The following ST6GALNAC3 variants were observed in gnomAD, a reference collection of about 807,000 sequenced individuals.
ST6GALNAC3 encodes the protein alpha-N-acetylgalactosaminide alpha-2,6-sialyltransferase 3.
In ST6GALNAC3, 25 loss-of-function variants were observed where a neutral mutation model predicts 32.7. The observed-to-expected ratio is 0.76, with a 90% confidence interval of 0.56 to 1.07. The LOEUF is 1.07. Ranked by LOEUF, ST6GALNAC3 falls within the 50% of genes least tolerant of loss-of-function variation. The probability of loss-of-function intolerance (pLI) is 0.00; values close to 1 mark genes in which losing one functional copy is unlikely to be tolerated. For synonymous variants in ST6GALNAC3, 129 were observed against 133.1 expected (o/e 0.97, Z 0.21); for missense variants, 355 against 382.4 (o/e 0.93, Z 0.60).
chr1:76,624,846 C>A (rs1445243600), intron 3 of ST6GALNAC3, among the ~76,000 whole-genome samples: 1 of 151,894 alleles, frequency 6.6e-6, no homozygotes, highest in East Asian at 1.9e-4. Flanking sequence ...TTTATATATA[C>A]CCCATACATT....
Position 76,634,172 on chromosome 1 carries a change from A to C in ST6GALNAC3, c.*5366A>C, listed in dbSNP as rs1197045546. On this transcript the variant is annotated 3_prime_UTR_variant, in exon 5 of 5. Coordinates refer to ENST00000328299, the MANE Select transcript of ST6GALNAC3 (RefSeq NM_152996.4). The stretch of plus-strand genomic sequence containing the variant: ...CGCCTTGAAGACTTCAGAAAAATAG[A>C]AGCTCACTTCCTTCCATAAAGGTGA... The C allele has an allele frequency of 2.0e-6, 2 of 984,686 alleles. No homozygotes were observed. Among genetic ancestry groups the C allele is most frequent in the Non-Finnish European group, 2.4e-6 (2 of 829,382 alleles). The allele number at this position is 984,686 out of a possible 1,614,324, so 61.0% of individuals were successfully genotyped here. A position where few individuals can be genotyped will look rare whatever the true frequency, so the allele number is the denominator to read the frequency against.
At chr1:76,411,905 A>G (rs1414200649) in intron 2 of ST6GALNAC3, 103 bp from the exon 3 acceptor site, 3 of 1,272,076 alleles carry the variant, frequency 2.4e-6, no homozygotes, top group African/African-American at 3.0e-5. Flanking sequence ...AGATATTTCC[A>G]TATTTGGTAA....
chr1:76,136,904 C>T (rs915402), intron 1 of ST6GALNAC3, among the ~76,000 whole-genome samples: 28,811 of 152,098 alleles, frequency 0.19, 2,908 homozygotes, highest in African/African-American at 0.25. Context: ...ACGATGCTAA[C>T]ATCATTCATC....
rs146292418 is a variant in ST6GALNAC3 at position 76,297,614 on chromosome 1, C to A, written c.19-16191C>A. Among the ~76,000 whole-genome samples, 242 of 152,014 alleles carry A rather than the reference C, an allele frequency of 1.6e-3. 1 individual carries two copies. In the Middle Eastern group the frequency reaches 0.021, roughly 13 times the overall value. ...ACCAGTTACTAGCTGTTAATTTGAG[C>A]AAATCATTCATCTTTTTAATGAACA... On this transcript the variant is annotated intron_variant, in intron 1 of 4. Coordinates refer to ENST00000328299, the MANE Select transcript of ST6GALNAC3 (RefSeq NM_152996.4).
At chr1:76,525,898 A>T (rs1457704971) in intron 3 of ST6GALNAC3, among the ~76,000 whole-genome samples, 1 of 147,540 alleles carries the variant, frequency 6.8e-6, no homozygotes, top group Non-Finnish European at 1.5e-5. Context: ...TTATTACCAA[A>T]TGCTTCAGAT....
intron 1 of ST6GALNAC3, among the ~76,000 whole-genome samples, chr1:76,268,365 C>A (rs553934381): frequency 6.6e-6 from 1 of 152,146 alleles, no homozygotes; most frequent in Non-Finnish European, 1.5e-5. Flanking sequence ...ATGCTTGATG[C>A]AGATTTAAGA....
intron 1 of ST6GALNAC3, among the ~76,000 whole-genome samples, chr1:76,110,918 G>GA (rs1190404278): frequency 6.6e-6 from 1 of 152,166 alleles, no homozygotes; most frequent in Non-Finnish European, 1.5e-5. Flanking sequence ...TTGTACACAA[G>GA]AAAGTAAAAG....
At position 76,364,819 on chromosome 1, in the gene ST6GALNAC3, C is replaced by T. The variant is rs553143692; in HGVS notation, c.214-47189C>T. ...CCAGTCAGAATGACTGTTAAAAAGT[C>T]GGAAAATGACAAATGTTGGAAGATG... On this transcript the variant is annotated intron_variant, in intron 2 of 4. Coordinates refer to ENST00000328299, the MANE Select transcript of ST6GALNAC3 (RefSeq NM_152996.4). 4.6e-5 allele frequency among the ~76,000 whole-genome samples: 7 copies of T among 152,032 alleles called. No homozygotes were observed. In the South Asian group the frequency reaches 1.5e-3, roughly 32 times the overall value.
At chr1:76,323,027 C>A (rs924391290) in intron 2 of ST6GALNAC3, among the ~76,000 whole-genome samples, 1 of 151,996 alleles carries the variant, frequency 6.6e-6, no homozygotes, top group Non-Finnish European at 1.5e-5. Context: ...TGTAAAAATA[C>A]AAAAATTACC....
intron 1 of ST6GALNAC3, among the ~76,000 whole-genome samples, chr1:76,286,058 A>T (rs11801014): frequency 0.042 from 6,443 of 152,262 alleles, 448 homozygotes; most frequent in African/African-American, 0.15. Context: ...ATTCTACTGG[A>T]AGGAGGCAGC....
At chr1:76,439,934 C>A (rs1484256665) in intron 3 of ST6GALNAC3, among the ~76,000 whole-genome samples, 3 of 152,124 alleles carry the variant, frequency 2.0e-5, no homozygotes, top group African/African-American at 7.2e-5. Context: ...GATGATAATA[C>A]TACCTCATAG....
At chr1:76,383,155 A>G (rs1028227606) in intron 2 of ST6GALNAC3, among the ~76,000 whole-genome samples, 7 of 152,350 alleles carry the variant, frequency 4.6e-5, no homozygotes, top group African/African-American at 1.7e-4. Context: ...CACCAACTTA[A>G]TTCTATATCA....
intron 3 of ST6GALNAC3, among the ~76,000 whole-genome samples, chr1:76,541,616 G>A (rs1311162293): frequency 1.3e-5 from 2 of 152,168 alleles, no homozygotes; most frequent in East Asian, 3.9e-4. Context: ...CAAGGGCCTT[G>A]CCTTATTACT....
chr1:76,172,401 G>T (rs138156796), intron 1 of ST6GALNAC3, among the ~76,000 whole-genome samples: 3,008 of 152,226 alleles, frequency 0.02, 36 homozygotes, highest in Non-Finnish European at 0.031. Flanking sequence ...GGCAAAAGCT[G>T]GAAGCATTCC....
intron 3 of ST6GALNAC3, among the ~76,000 whole-genome samples, chr1:76,626,839 C>T (rs1648997806): frequency 6.6e-6 from 1 of 151,880 alleles, no homozygotes; most frequent in African/African-American, 2.4e-5. Flanking sequence ...CAGTGATTAC[C>T]ATGTAGCTTG....
At position 76,376,265 on chromosome 1, in the gene ST6GALNAC3, A is replaced by G. The variant is rs112206021; in HGVS notation, c.214-35743A>G. On this transcript the variant is annotated intron_variant, in intron 2 of 4. Transcript: ENST00000328299. ...TTAATGTCACAATTAGAAAGTTGAC[A>G]TTAATATAATCCACTGACCTTATTC... 1.9e-3 allele frequency among the ~76,000 whole-genome samples: 296 copies of G among 152,314 alleles called. 1 individual carries two copies. The highest frequency in any genetic ancestry group is 3.4e-3 in the Middle Eastern group (1 of 294).
chr1:76,294,548 C>T (rs1005670862), intron 1 of ST6GALNAC3, among the ~76,000 whole-genome samples: 7 of 152,066 alleles, frequency 4.6e-5, no homozygotes, highest in African/African-American at 1.4e-4. Context: ...TAGCTTTAAC[C>T]TGCCCGGAAT....
At chr1:76,221,110 A>G (rs949102987) in intron 1 of ST6GALNAC3, among the ~76,000 whole-genome samples, 7 of 152,178 alleles carry the variant, frequency 4.6e-5, no homozygotes, top group Non-Finnish European at 8.8e-5. Context: ...AGGTTCTAAG[A>G]CTGCTCCTAC....
At chr1:76,516,713 T>G (rs1011432105) in intron 3 of ST6GALNAC3, among the ~76,000 whole-genome samples, 3 of 152,130 alleles carry the variant, frequency 2.0e-5, no homozygotes, top group Admixed American at 6.5e-5. Flanking sequence ...TTTTATTCCC[T>G]CTGCTAGTGA....
Sources: allele counts gnomAD v4.1 joint callset (sites outside exome capture counted in the v4.1 genomes callset), GRCh38; gene constraint gnomAD v4.1.1; transcripts MANE v1.5; gene names NCBI Gene and HGNC (gene_info 2026-07-23, HGNC 2026-07-21).